DAPK2: variants seen among roughly 807,000 people sequenced by gnomAD.
DAPK2 encodes the protein death-associated protein kinase 2.
Under a neutral mutation model 44.1 loss-of-function variants are expected in DAPK2, and 35 were observed. The observed-to-expected ratio is 0.79, with a 90% CI of 0.61 to 1.05. The LOEUF is 1.05. Ranked by LOEUF, DAPK2 falls within the 50% of genes least tolerant of loss-of-function variation. The probability of loss-of-function intolerance (pLI) is 0.00; values close to 1 mark genes in which losing one functional copy is unlikely to be tolerated. For synonymous variants in DAPK2, 174 were observed against 182.6 expected (o/e 0.95, Z 0.38); for missense variants, 453 against 483.2 (o/e 0.94, Z 0.59).
chr15:63,908,642 A>G lies in DAPK2; in HGVS notation c.1033-42T>C. The G allele has an allele frequency of 6.6e-7, 1 of 1,522,352 alleles. No homozygotes were observed. The highest frequency in any genetic ancestry group is 8.8e-7 in the Non-Finnish European group (1 of 1,134,210). 94.3% of individuals were successfully genotyped at this position (1,522,352 alleles called of 1,614,324 possible). ...GAAAGAGGTCCAGGGCAGGAGGATC[A>G]TGAGACGCCAGGAATGGGGCTGTGC... On this transcript the variant is annotated intron_variant, in intron 10 of 10. Coordinates refer to ENST00000261891, the Ensembl canonical transcript of DAPK2. The surrounding 1 kb of genome is among the most constrained non-coding windows in gnomAD (Gnocchi z 5.7).
chr15:63,986,075 A>AGGCTCC lies in DAPK2; in HGVS notation c.93-2322_93-2321insGGAGCC, dbSNP rs1453412162. ...TCACTCAGGCACAGCCCTCTGCTCA[A>AGGCTCC]CCTGTAGAGGGGAGCCTCAGAGGGA... On this transcript the variant is annotated intron_variant, in intron 1 of 10. Coordinates refer to ENST00000261891, the Ensembl canonical transcript of DAPK2. Among the ~76,000 whole-genome samples, 32 of 152,320 alleles carry AGGCTCC rather than the reference A, an allele frequency of 2.1e-4. 1 individual carries two copies. The highest frequency in any genetic ancestry group is 7.5e-4 in the African/African-American group (31 of 41,576).
chr15:63,907,723 T>C (rs2078691688), exon 11 of DAPK2: 1 of 152,306 alleles, frequency 6.6e-6, no homozygotes, highest in African/African-American at 2.4e-5. Context: ...TCCCAGTCTC[T>C]GGGTGGGTTC....
chr15:63,944,164 A>C (rs1389239368), intron 3 of DAPK2, among the ~76,000 whole-genome samples: 1 of 152,106 alleles, frequency 6.6e-6, no homozygotes, highest in African/African-American at 2.4e-5. Context: ...TAAAAGGATG[A>C]AGCCTGGGGG....
At chr15:63,921,456 A>AAGCTTCT (rs1280980895) in intron 8 of DAPK2, 1 of 152,190 alleles carries the variant, frequency 6.6e-6, no homozygotes, top group Non-Finnish European at 1.5e-5. Context: ...TGAACTATAC[A>AAGCTTCT]AGTTATGCCC....
chr15:64,010,330 T>A (rs181531492), intron 1 of DAPK2, among the ~76,000 whole-genome samples: 197 of 152,298 alleles, frequency 1.3e-3, no homozygotes, highest in Non-Finnish European at 2.5e-3. Flanking sequence ...CCTATAAATA[T>A]CATTTTTAAC....
At chr15:63,968,669 A>G (rs550863296) in intron 3 of DAPK2, among the ~76,000 whole-genome samples, 1 of 152,306 alleles carries the variant, frequency 6.6e-6, no homozygotes, top group South Asian at 2.1e-4. Context: ...TCTAACCCTT[A>G]CAGCTCTGCC....
At chr15:63,942,188 C>T (rs2077327827) in intron 3 of DAPK2, 1 of 984,490 alleles carries the variant, frequency 1.0e-6, no homozygotes, top group Non-Finnish European at 1.2e-6. Flanking sequence ...ATGGGAGTCT[C>T]CTTCCTCACA....
At chr15:64,024,840 A>G (rs1287194190) in intron 1 of DAPK2, among the ~76,000 whole-genome samples, 9 of 152,218 alleles carry the variant, frequency 5.9e-5, no homozygotes, top group Non-Finnish European at 2.9e-5. Context: ...CCTCACCCCA[A>G]TGAGGGAAGG....
chr15:63,958,898 T>TC, intron 3 of DAPK2, among the ~76,000 whole-genome samples: 1 of 152,328 alleles, frequency 6.6e-6, no homozygotes, highest in Non-Finnish European at 1.5e-5. Flanking sequence ...AAGAAAGTCA[T>TC]TGGTAGCTTG....
intron 1 of DAPK2, among the ~76,000 whole-genome samples, chr15:64,016,596 C>A (rs2079532040): frequency 6.6e-6 from 1 of 152,100 alleles, no homozygotes; most frequent in Admixed American, 6.5e-5. Context: ...GAGTTCAAGA[C>A]CAGCCTAGGC....
chr15:63,992,207 C>T (rs2078839503), intron 1 of DAPK2, among the ~76,000 whole-genome samples: 1 of 152,196 alleles, frequency 6.6e-6, no homozygotes, highest in Non-Finnish European at 1.5e-5. Flanking sequence ...TAAAGTTTGA[C>T]TTGGCTACGT....
intron 3 of DAPK2, chr15:63,942,093 G>T: frequency 2.2e-6 from 1 of 454,474 alleles, no homozygotes. Flanking sequence ...CGCTGAATGG[G>T]GGTGGGAGCC....
chr15:63,958,221 T>C (rs1256184011), intron 3 of DAPK2, among the ~76,000 whole-genome samples: 1 of 152,164 alleles, frequency 6.6e-6, no homozygotes, highest in Non-Finnish European at 1.5e-5. Flanking sequence ...TCTTGTAAAT[T>C]TGTTTAAGTT....
chr15:64,003,145 G>A (rs1262667056), intron 1 of DAPK2, among the ~76,000 whole-genome samples: 2 of 152,112 alleles, frequency 1.3e-5, no homozygotes, highest in Non-Finnish European at 2.9e-5. Flanking sequence ...AAGGCCACAA[G>A]ATAAGGTGGG....
At chr15:64,033,258 AGGGGG>A (rs2080071054) in intron 1 of DAPK2, among the ~76,000 whole-genome samples, 3 of 2,320 alleles carry the variant, frequency 1.3e-3, no homozygotes, top group Non-Finnish European at 2.3e-3. Context: ...ACCCCTGGGG[AGGGGG>A]AGGGGGAGGG....
At chr15:63,929,373 G>T in intron 6 of DAPK2, 178 bp downstream of exon 7, 3 of 727,318 alleles carry the variant, frequency 4.1e-6, no homozygotes, top group East Asian at 2.8e-5. Context: ...TCAATGCCAG[G>T]GTCAGATGGA....
At chr15:63,992,937 G>A (rs533738371) in intron 1 of DAPK2, among the ~76,000 whole-genome samples, 2 of 152,336 alleles carry the variant, frequency 1.3e-5, no homozygotes, top group African/African-American at 4.8e-5. Flanking sequence ...CCTTAAAAAC[G>A]AGCTTGTGCT....
intron 8 of DAPK2, among the ~76,000 whole-genome samples, chr15:63,914,951 T>C (rs1293633486): frequency 4.6e-5 from 7 of 152,208 alleles, no homozygotes; most frequent in Non-Finnish European, 8.8e-5. Context: ...TTATTCACAT[T>C]CAGTCCTCAG....
At chr15:64,044,052 G>C (rs1173835368), upstream of DAPK2, among the ~76,000 whole-genome samples, 1 of 152,162 alleles carries the variant, frequency 6.6e-6, no homozygotes, top group Non-Finnish European at 1.5e-5. Flanking sequence ...CAAACTAAAG[G>C]GGTGAAACTG....
Sources: gnomAD v4.1 joint callset for allele counts (sites outside exome capture counted in the v4.1 genomes callset) on GRCh38, gnomAD v4.1.1 for gene constraint, Gnocchi (gnomAD v3.1) non-coding constraint, MANE v1.5 for transcripts, NCBI Gene and HGNC (gene_info 2026-07-23, HGNC 2026-07-21) for gene names.